PARP9: variants seen among roughly 807,000 people sequenced by gnomAD.
The protein encoded by PARP9 is poly(ADP-ribose) polymerase family member 9.
Under a neutral mutation model 68.8 loss-of-function variants are expected in PARP9, and 48 were observed. The observed-to-expected ratio is 0.70, with a 90% CI of 0.55 to 0.89. The LOEUF (loss-of-function observed/expected upper bound fraction) is 0.89. PARP9 is among the 40% of genes least tolerant of loss of function. The pLI is 0.00. For synonymous variants in PARP9, 309 were observed against 333.8 expected, an observed-to-expected ratio of 0.93 and a Z score of 0.81; for missense variants, 806 against 969.3, an observed-to-expected ratio of 0.83 and a Z score of 2.24.
At chr3:122,545,713 A>C in intron 6 of PARP9, 1 of 539,302 alleles carries the variant, frequency 1.9e-6, no homozygotes, top group South Asian at 2.6e-5. Flanking sequence ...TGAAATCAAA[A>C]TCTGGTATAA....
intron 6 of PARP9, among the ~76,000 whole-genome samples, chr3:122,547,860 AG>A (rs2078889245): frequency 1.3e-5 from 2 of 152,204 alleles, no homozygotes; most frequent in African/African-American, 4.8e-5. Context: ...CTCAAAAAAA[AG>A]GAAATTAAAA....
intron 10 of PARP9, among the ~76,000 whole-genome samples, chr3:122,529,679 G>A (rs1414609158): frequency 1.3e-5 from 2 of 151,506 alleles, no homozygotes; most frequent in East Asian, 1.9e-4. Context: ...GCATGAACCC[G>A]GGAGGCGGAG....
At chr3:122,543,363 C>T (rs1356500123) in intron 7 of PARP9, among the ~76,000 whole-genome samples, 3 of 151,642 alleles carry the variant, frequency 2.0e-5, no homozygotes, top group Admixed American at 1.3e-4. Context: ...CTGCAATCTC[C>T]ACCTCCCACG....
rs1360791235 is a variant in PARP9, at chr3:122,555,482, C to T, written c.689G>A (p.Gly230Glu). ...TTTCAAATTACTCATCATTGGCTTC[C>T]CTTGCAAACTAACCCGGATAGTCTC... ...IVETIRVSLQ[G>E]KPMMSNLKEI... The change falls in exon 4 of 11, where the codon GGG becomes GAG. Residue 230 changes from glycine to glutamate, a missense_variant. By Grantham distance (98) the Gly-to-Glu change is moderately conservative. Transcript: ENST00000682323. The T allele has an allele frequency of 6.2e-7, 1 of 1,614,138 alleles. No individual in the cohort carries two copies. Among genetic ancestry groups the T allele is most frequent in the African/African-American group, 1.3e-5 (1 of 74,996 alleles).
chr3:122,533,789 A>G (rs182790228), intron 10 of PARP9: 2 of 985,476 alleles, frequency 2.0e-6, no homozygotes, highest in East Asian at 2.3e-4. Flanking sequence ...GAATGCAAAC[A>G]TAAATAGAAA....
intron 3 of PARP9, among the ~76,000 whole-genome samples, chr3:122,557,440 A>G (rs1163347385): frequency 6.6e-6 from 1 of 152,252 alleles, no homozygotes; most frequent in African/African-American, 2.4e-5. Context: ...TGTGGCAGAC[A>G]AGAAGATGTG....
At chr3:122,541,149 C>CA (rs1270858208) in intron 7 of PARP9, among the ~76,000 whole-genome samples, 1 of 152,190 alleles carries the variant, frequency 6.6e-6, no homozygotes, top group African/African-American at 2.4e-5. Flanking sequence ...CTCGGCCTCC[C>CA]ACAGTGCCAG....
rs2079136328 is a variant in PARP9, at chr3:122,550,787, T to C, written c.1123A>G (p.Met375Val). Residue 375 changes from methionine to valine, a missense_variant, in exon 6 of 11, where the codon ATG (methionine) becomes GTG (valine). This residue lies in a region of PARP9 where 680 missense variants were observed against 858.8 expected (regional missense o/e 0.79). Transcript: ENST00000682323. Reference sequence around the variant, plus strand: ...ATGCATTTTTCCAAACACTCCTTCATTGCATGTTTTAATATCTGCAGGAAA... The same window carrying C: ...ATGCATTTTTCCAAACACTCCTTCACTGCATGTTTTAATATCTGCAGGAAA... Reference protein sequence around the residue: ...FPKPQILKHAMKECLEKCIEQ... With the variant: ...FPKPQILKHAVKECLEKCIEQ... 1 of 1,613,662 alleles carries C rather than the reference T, an allele frequency of 6.2e-7. No individual in the cohort carries two copies. Among genetic ancestry groups the C allele is most frequent in the Non-Finnish European group, 8.5e-7 (1 of 1,179,774 alleles).
chr3:122,543,898 G>A (rs1017114726), intron 7 of PARP9, among the ~76,000 whole-genome samples: 4 of 152,138 alleles, frequency 2.6e-5, no homozygotes, highest in Admixed American at 6.6e-5. Context: ...GGCTTGAGCC[G>A]CCATGTCCCT....
At chr3:122,546,968 CTATATATATATA>C (rs57337681) in intron 6 of PARP9, among the ~76,000 whole-genome samples, 71 of 70,148 alleles carry the variant, frequency 1.0e-3, no homozygotes, top group East Asian at 2.9e-3. Context: ...ATACATGGCA[CTATATATATATA>C]TATATATATA....
chr3:122,537,822 T>G (rs559623255), intron 8 of PARP9, among the ~76,000 whole-genome samples: 2 of 152,048 alleles, frequency 1.3e-5, no homozygotes, highest in Non-Finnish European at 2.9e-5. Flanking sequence ...CTTACTTCCT[T>G]CTTTCCTTCC....
At chr3:122,556,947 G>C (rs1465697963) in intron 3 of PARP9, among the ~76,000 whole-genome samples, 2 of 152,132 alleles carry the variant, frequency 1.3e-5, no homozygotes, top group Non-Finnish European at 2.9e-5. Flanking sequence ...CTCCTGAGTA[G>C]CCAGGGCTAC....
chr3:122,563,316 G>A (rs1208875807), intron 1 of PARP9, among the ~76,000 whole-genome samples: 1 of 152,154 alleles, frequency 6.6e-6, no homozygotes, highest in Non-Finnish European at 1.5e-5. Context: ...GAATCGAGAT[G>A]TGATGTAAGT....
intron 1 of PARP9, among the ~76,000 whole-genome samples, chr3:122,560,382 G>GT (rs1255516446): frequency 7.2e-6 from 1 of 138,632 alleles, no homozygotes; most frequent in African/African-American, 3.4e-5. Flanking sequence ...TTCTTTGTTT[G>GT]TTTTTTTGTT....
chr3:122,560,264 A>G (rs1255116250), intron 1 of PARP9, among the ~76,000 whole-genome samples: 1 of 152,246 alleles, frequency 6.6e-6, no homozygotes, highest in African/African-American at 2.4e-5. Flanking sequence ...ATGATTTTCC[A>G]TCTAATAGGT....
chr3:122,545,775 C>G (rs1449877392), intron 6 of PARP9: 1 of 352,420 alleles, frequency 2.8e-6, no homozygotes, highest in East Asian at 4.8e-5. Context: ...ATTCATTCAA[C>G]AGATTTTAAT....
At chr3:122,538,308 T>C (rs2077809384) in intron 8 of PARP9, among the ~76,000 whole-genome samples, 1 of 152,154 alleles carries the variant, frequency 6.6e-6, no homozygotes, top group African/African-American at 2.4e-5. Context: ...GACCCAAAGA[T>C]CACAAACTTC....
At position 122,560,694 on chromosome 3, in the gene PARP9, T is replaced by G. The variant is rs535056476; in HGVS notation, c.-89-985A>C. Among the ~76,000 whole-genome samples the G allele has an allele frequency of 3.9e-5, 6 of 152,320 alleles. No individual in the cohort carries two copies. In the South Asian group the frequency reaches 1.0e-3, roughly 26 times the overall value. ...AGCGACCGCGCCTGGTCGAAATGAT[T>G]TCTAATGTCTTTGCAATAGAAACAT... On this transcript the variant is annotated intron_variant, in intron 1 of 10. Coordinates refer to ENST00000682323, the MANE Select transcript of PARP9 (RefSeq NM_001146105.2).
chr3:122,548,838 T>C (rs1231806609), intron 6 of PARP9, among the ~76,000 whole-genome samples: 2 of 152,142 alleles, frequency 1.3e-5, no homozygotes, highest in East Asian at 1.9e-4. Flanking sequence ...ACTGGAGACA[T>C]GGCAAAACTA....
Sources: gnomAD v4.1 joint callset for allele counts (sites outside exome capture counted in the v4.1 genomes callset) on GRCh38, gnomAD v4.1.1 for gene constraint, gnomAD v4.1.1 regional missense constraint, MANE v1.5 for transcripts, NCBI Gene and HGNC (gene_info 2026-07-23, HGNC 2026-07-21) for gene names.